The following ADAMTSL1 variants were observed in gnomAD, a reference collection of about 807,000 sequenced individuals.
ADAMTSL1 encodes ADAMTS-like protein 1.
ADAMTSL1 carries 126 observed loss-of-function variants against 201.8 expected under a neutral mutation model. The ratio of observed to expected loss-of-function variants is 0.62; its 90% CI spans 0.54 to 0.72. The LOEUF (loss-of-function observed/expected upper bound fraction) is 0.72. Among genes scored for constraint, ADAMTSL1 ranks in the 30% least tolerant of loss-of-function variants. The pLI is 0.00. For synonymous variants in ADAMTSL1, 1,121 were observed against 903.4 expected (o/e 1.24, Z -4.32); for missense variants, 2,679 against 2,277.8 (o/e 1.18, Z -3.59).
At position 18,684,754 on chromosome 9, in the gene ADAMTSL1, C is replaced by T; in HGVS notation, c.1528C>T (p.Gln510Ter). 1 of 1,613,172 alleles carries T rather than the reference C, an allele frequency of 6.2e-7. No individual in the cohort carries two copies. The highest frequency in any genetic ancestry group is 8.5e-7 in the Non-Finnish European group (1 of 1,179,740). ...PVEAKLPWFK[Q>*]AQELEEGAAV... ...CGAGGCCAAGTTGCCATGGTTCAAA[C>T]AAGCTCAAGAGCTAGAAGAAGGAGC... The change falls in exon 13 of 29, where the codon CAA becomes TAA. Residue 510 changes from glutamine to a stop codon, truncating the protein, a stop_gained. Coordinates refer to ENST00000380548, the MANE Select transcript of ADAMTSL1 (RefSeq NM_001040272.6). LOFTEE classifies it high-confidence loss of function.
intron 1 of ADAMTSL1, among the ~76,000 whole-genome samples, chr9:18,128,152 A>G (rs542751594): frequency 6.6e-6 from 1 of 152,298 alleles, no homozygotes; most frequent in South Asian, 2.1e-4. Context: ...TGGGTATGCA[A>G]ACTCTCAAAT....
intron 17 of ADAMTSL1, among the ~76,000 whole-genome samples, chr9:18,775,235 A>G (rs1022105287): frequency 2.0e-5 from 3 of 152,216 alleles, no homozygotes; most frequent in Admixed American, 1.3e-4. Context: ...CTTAACATCT[A>G]GCACCCTACC....
At position 18,759,232 on chromosome 9, in the gene ADAMTSL1, G is replaced by C. The variant is rs1819934787; in HGVS notation, c.2217+5724G>C. 2.0e-5 allele frequency among the ~76,000 whole-genome samples: 3 copies of C among 152,194 alleles called. No individual in the cohort carries two copies. The South Asian group carries it at 6.2e-4, about 32-fold the overall frequency. On this transcript the variant is annotated intron_variant, in intron 16 of 28. Transcript: ENST00000380548. ...TTTCCCTCTAAACCTTTCTTAATCA[G>C]GGTCACAATTGAAAATGCCTGCAGT...
chr9:18,532,560 G>T (rs570083050), intron 2 of ADAMTSL1, among the ~76,000 whole-genome samples: 38 of 152,082 alleles, frequency 2.5e-4, no homozygotes, highest in African/African-American at 8.2e-4. Flanking sequence ...ATTTAATACT[G>T]TGAGAAAATG....
At chr9:18,433,607 G>A (rs1291109000) in intron 2 of ADAMTSL1, among the ~76,000 whole-genome samples, 1 of 152,080 alleles carries the variant, frequency 6.6e-6, no homozygotes, top group Non-Finnish European at 1.5e-5. Flanking sequence ...ACTCAGAAAG[G>A]TCGAATTCAA....
chr9:18,762,804 C>A lies in ADAMTSL1; in HGVS notation c.2218-7798C>A, dbSNP rs189893128. 8.5e-4 allele frequency among the ~76,000 whole-genome samples: 129 copies of A among 152,292 alleles called. 1 individual carries two copies. The highest frequency in any genetic ancestry group is 7.5e-3 in the South Asian group (36 of 4,824). ...CAGTTAACATAATAACCTCCAGTTC[C>A]ATCCATGTTGTTGCACATGACTGGA... On this transcript the variant is annotated intron_variant, in intron 16 of 28. Coordinates refer to ENST00000380548, the MANE Select transcript of ADAMTSL1 (RefSeq NM_001040272.6).
At chr9:18,511,846 T>C (rs1044930686) in intron 2 of ADAMTSL1, among the ~76,000 whole-genome samples, 4 of 152,216 alleles carry the variant, frequency 2.6e-5, no homozygotes, top group African/African-American at 9.6e-5. Flanking sequence ...AACAAATGTT[T>C]GTTTTTTTCT....
chr9:18,729,934 T>G (rs563824985), intron 15 of ADAMTSL1, among the ~76,000 whole-genome samples: 10 of 152,242 alleles, frequency 6.6e-5, no homozygotes, highest in Non-Finnish European at 1.0e-4. Context: ...AACTTTCTTC[T>G]GTGGATATGG....
chr9:18,289,998 G>T (rs1230804975), intron 2 of ADAMTSL1, among the ~76,000 whole-genome samples: 1 of 152,162 alleles, frequency 6.6e-6, no homozygotes, highest in Non-Finnish European at 1.5e-5. Context: ...GAAAAAGTTA[G>T]CAAATCCTTC....
intron 2 of ADAMTSL1, among the ~76,000 whole-genome samples, chr9:18,301,545 G>T (rs1423847444): frequency 6.6e-6 from 1 of 152,056 alleles, no homozygotes; most frequent in Non-Finnish European, 1.5e-5. Context: ...AATAATTAAT[G>T]AAATAGAACC....
At chr9:18,241,989 G>T (rs964865532) in intron 2 of ADAMTSL1, among the ~76,000 whole-genome samples, 1 of 151,998 alleles carries the variant, frequency 6.6e-6, no homozygotes, top group African/African-American at 2.4e-5. Context: ...ACTCGAGGGG[G>T]AGTACTTCCT....
intron 2 of ADAMTSL1, among the ~76,000 whole-genome samples, chr9:18,167,249 G>A (rs1019478371): frequency 6.6e-6 from 1 of 151,946 alleles, no homozygotes; most frequent in African/African-American, 2.4e-5. Context: ...GTTTTCTTCA[G>A]TATGTAATTA....
At chr9:18,057,056 C>T (rs904611938) in intron 1 of ADAMTSL1, among the ~76,000 whole-genome samples, 2 of 152,206 alleles carry the variant, frequency 1.3e-5, no homozygotes, top group African/African-American at 4.8e-5. Context: ...TGGAAACATC[C>T]AGCTAGGCTT....
chr9:18,899,359 A>C (rs1283844257), intron 26 of ADAMTSL1, among the ~76,000 whole-genome samples: 8 of 152,258 alleles, frequency 5.3e-5, no homozygotes, highest in African/African-American at 1.9e-4. Flanking sequence ...TATCATGAAA[A>C]TGGCCATACT....
rs1826932811 is a variant in ADAMTSL1, at chr9:17,934,705, G to C, written c.87+27783G>C. ...TTCATGGAGAAAATAGCAGCTATCA[G>C]ACAAAAAGTCAAATTTTCCCCACCT... is the stretch of plus-strand genomic sequence containing the variant. On this transcript the variant is annotated intron_variant, in intron 1 of 29. Coordinates refer to the ADAMTSL1 transcript ENST00000680146. Among the ~76,000 whole-genome samples the C allele has an allele frequency of 2.0e-5, 3 of 151,892 alleles. No individual in the cohort carries two copies. The South Asian group carries it at 6.2e-4, about 31-fold the overall frequency.
chr9:18,776,881 G>C lies in ADAMTSL1; in HGVS notation c.2652G>C (p.Gly884=). The part of the protein sequence containing the change: ...RRQRKLHFVV[G]GFAYLLPKTA... ...AGAGGAAGCTGCACTTCGTGGTGGG[G>C]GGCTTCGCCTACCTGCTCCCCAAGA... The change falls in exon 19 of 29, where the codon GGG becomes GGC. Residue 884 remains glycine, a synonymous_variant. Coordinates refer to ENST00000380548, the MANE Select transcript of ADAMTSL1 (RefSeq NM_001040272.6). The C allele has an allele frequency of 6.2e-7, 1 of 1,611,554 alleles. No homozygotes were observed.
intron 2 of ADAMTSL1, among the ~76,000 whole-genome samples, chr9:18,435,502 T>C (rs1587202834): frequency 6.6e-6 from 1 of 152,054 alleles, no homozygotes; most frequent in African/African-American, 2.4e-5. Context: ...TATGAGAATA[T>C]ATAGGAGGGG....
chr9:18,393,684 G>A (rs908988680), intron 2 of ADAMTSL1, among the ~76,000 whole-genome samples: 4 of 152,204 alleles, frequency 2.6e-5, no homozygotes, highest in Non-Finnish European at 4.4e-5. Context: ...GTGATGTTGG[G>A]AGAAGCTTGC....
chr9:18,254,345 G>GTTTTT lies in ADAMTSL1; in HGVS notation c.207+90395_207+90399dup, dbSNP rs59026505. 7.6e-3 allele frequency among the ~76,000 whole-genome samples: 374 copies of GTTTTT among 49,386 alleles called. 47 individuals are homozygous for GTTTTT. The highest frequency in any genetic ancestry group is 0.01 in the Non-Finnish European group (290 of 28,720). 32.4% of individuals were successfully genotyped at this position (49,386 alleles called of 152,430 possible). A position where few individuals can be genotyped will look rare whatever the true frequency, so the allele number is the denominator to read the frequency against. On this transcript the variant is annotated intron_variant, in intron 2 of 29. Transcript: ENST00000680146. Reference sequence around the variant, plus strand: ...GGAACTACCGTCAATACTCTTTTTGGTTTTTTTTTTTTTTTTTTTTTTTTT... The same window carrying GTTTTT: ...GGAACTACCGTCAATACTCTTTTTGGTTTTTTTTTTTTTTTTTTTTTTTTTTTTTT...
Sources: allele counts gnomAD v4.1 joint callset (sites outside exome capture counted in the v4.1 genomes callset), GRCh38; gene constraint gnomAD v4.1.1; transcripts MANE v1.5; gene names NCBI Gene and HGNC (gene_info 2026-07-23, HGNC 2026-07-21).